Variants in AUTS2 observed in about 807,000 individuals in gnomAD.
AUTS2 encodes activator of transcription and developmental regulator AUTS2, also known as autism susceptibility gene 2 protein.
In AUTS2, 17 loss-of-function variants were observed where a neutral mutation model predicts 112.4. The observed-to-expected ratio is 0.15, with a 90% CI of 0.10 to 0.23. The LOEUF (loss-of-function observed/expected upper bound fraction) is 0.23, where lower values mean the gene tolerates loss of function less well. AUTS2 is among the 10% of genes least tolerant of loss of function. The pLI is 1.00. For synonymous variants in AUTS2, 751 were observed against 702.7 expected (o/e 1.07, Z -1.09); for missense variants, 1,510 against 1,701.6 (o/e 0.89, Z 1.98).
At chr7:70,087,277 T>G (rs1041198173) in intron 2 of AUTS2, among the ~76,000 whole-genome samples, 2 of 67,026 alleles carry the variant, frequency 3.0e-5, no homozygotes, top group African/African-American at 6.4e-5. Context: ...ATTTTCAAAT[T>G]TTTTTTATAA....
intron 5 of AUTS2, among the ~76,000 whole-genome samples, chr7:70,687,167 A>G (rs769582876): frequency 1.4e-4 from 21 of 152,210 alleles, no homozygotes; most frequent in Non-Finnish European, 2.2e-4. Flanking sequence ...CATGGACTCA[A>G]TATGAAATGC....
intron 5 of AUTS2, among the ~76,000 whole-genome samples, chr7:70,459,461 A>T (rs1796874544): frequency 6.6e-6 from 1 of 152,204 alleles, no homozygotes; most frequent in Non-Finnish European, 1.5e-5. Flanking sequence ...CTTCAAGGCC[A>T]GCTCACCACT....
At chr7:70,668,643 C>A (rs1352563304) in intron 5 of AUTS2, among the ~76,000 whole-genome samples, 1 of 152,176 alleles carries the variant, frequency 6.6e-6, no homozygotes, top group Non-Finnish European at 1.5e-5. Context: ...CCAGGCTGTC[C>A]CCAAGTGGCC....
At chr7:70,093,233 G>A (rs995437478) in intron 2 of AUTS2, among the ~76,000 whole-genome samples, 4 of 152,134 alleles carry the variant, frequency 2.6e-5, no homozygotes, top group African/African-American at 9.7e-5. Context: ...GCTGTGCAGG[G>A]CTCCATTTCC....
chr7:70,495,437 C>T (rs1338135854), intron 5 of AUTS2, among the ~76,000 whole-genome samples: 4 of 151,870 alleles, frequency 2.6e-5, no homozygotes, highest in Non-Finnish European at 4.4e-5. Context: ...TCTTCTTGCC[C>T]CAGTAAACAG....
At chr7:70,637,220 G>T (rs560923514) in intron 5 of AUTS2, among the ~76,000 whole-genome samples, 31 of 152,240 alleles carry the variant, frequency 2.0e-4, no homozygotes, top group African/African-American at 7.5e-4. Context: ...TCTCATCCTG[G>T]CTTAACCATC....
intron 1 of AUTS2, among the ~76,000 whole-genome samples, chr7:69,624,149 T>C (rs1222419059): frequency 1.3e-5 from 2 of 152,226 alleles, no homozygotes; most frequent in Admixed American, 6.5e-5. Context: ...GATTACGTTC[T>C]AAGATCTATC....
intron 2 of AUTS2, among the ~76,000 whole-genome samples, chr7:70,036,302 A>G (rs1400158256): frequency 6.6e-6 from 1 of 152,216 alleles, no homozygotes; most frequent in African/African-American, 2.4e-5. Context: ...TGTAATGGGA[A>G]ATCTATGAGA....
intron 5 of AUTS2, among the ~76,000 whole-genome samples, chr7:70,496,224 A>C (rs1298871607): frequency 4.4e-5 from 5 of 114,804 alleles, no homozygotes; most frequent in African/African-American, 1.1e-4. Flanking sequence ...GATCACACAC[A>C]CCACGTACAC....
intron 4 of AUTS2, among the ~76,000 whole-genome samples, chr7:70,399,153 A>AT (rs1234137496): frequency 2.7e-5 from 4 of 149,340 alleles, no homozygotes; most frequent in South Asian, 2.1e-4. Flanking sequence ...TGCCTGGCTG[A>AT]TTTTTTTTTC....
intron 6 of AUTS2, among the ~76,000 whole-genome samples, chr7:70,755,374 T>G (rs1192968727): frequency 6.6e-6 from 1 of 152,108 alleles, no homozygotes; most frequent in Non-Finnish European, 1.5e-5. Context: ...TTAAAAAATC[T>G]ATTCAATAGT....
chr7:70,492,450 A>G (rs1381052214), intron 5 of AUTS2, among the ~76,000 whole-genome samples: 6 of 152,176 alleles, frequency 3.9e-5, no homozygotes, highest in Admixed American at 3.9e-4. Context: ...ATTTAGTCAC[A>G]TGATAGTAGC....
intron 11 of AUTS2, among the ~76,000 whole-genome samples, chr7:70,772,164 G>A (rs917018439): frequency 3.9e-5 from 6 of 152,156 alleles, no homozygotes; most frequent in African/African-American, 1.4e-4. Flanking sequence ...CAGGTGGGGT[G>A]GTCGCCTCCC....
intron 2 of AUTS2, among the ~76,000 whole-genome samples, chr7:69,918,546 G>C (rs1795682546): frequency 6.6e-6 from 1 of 152,200 alleles, no homozygotes; most frequent in East Asian, 1.9e-4. Flanking sequence ...ATACTGAAAT[G>C]AAAACTTTTA....
At chr7:69,735,318 G>T (rs1786981711) in intron 1 of AUTS2, among the ~76,000 whole-genome samples, 1 of 152,162 alleles carries the variant, frequency 6.6e-6, no homozygotes, top group South Asian at 2.1e-4. Context: ...GATAACCCTT[G>T]TACTGTTTTC....
At chr7:70,585,280 A>G (rs922939285) in intron 5 of AUTS2, among the ~76,000 whole-genome samples, 1 of 152,154 alleles carries the variant, frequency 6.6e-6, no homozygotes, top group Non-Finnish European at 1.5e-5. Context: ...AGGAGACTCT[A>G]GTCCTCTGGG....
At chr7:70,240,636 G>A (rs1328788647) in intron 4 of AUTS2, among the ~76,000 whole-genome samples, 1 of 152,240 alleles carries the variant, frequency 6.6e-6, no homozygotes, top group East Asian at 1.9e-4. Context: ...CTCAAGGCTT[G>A]CATGCCATTT....
chr7:69,734,560 C>A (rs879484896), intron 1 of AUTS2, among the ~76,000 whole-genome samples: 2 of 151,112 alleles, frequency 1.3e-5, no homozygotes, highest in Non-Finnish European at 2.9e-5. Context: ...GAAGTCTGGG[C>A]TTTACACATT....
At chr7:70,031,443 G>C (rs774502477) in intron 2 of AUTS2, among the ~76,000 whole-genome samples, 40 of 152,116 alleles carry the variant, frequency 2.6e-4, no homozygotes, top group Non-Finnish European at 5.1e-4. Flanking sequence ...CTAACGTCCT[G>C]ATTAGCATTT....
Sources: allele counts gnomAD v4.1 joint callset (sites outside exome capture counted in the v4.1 genomes callset), GRCh38; gene constraint gnomAD v4.1.1; transcripts MANE v1.5; gene names NCBI Gene and HGNC (gene_info 2026-07-23, HGNC 2026-07-21).